NELL2: variants seen among roughly 807,000 people sequenced by gnomAD.
NELL2 encodes the protein neural EGFL like 2.
A neutral mutation model predicts 109.6 loss-of-function variants in NELL2; 41 were observed. The ratio of observed to expected loss-of-function variants is 0.37; its 90% CI spans 0.29 to 0.49. The LOEUF (loss-of-function observed/expected upper bound fraction) is 0.49. Ranked by LOEUF, NELL2 falls within the 20% of genes least tolerant of loss-of-function variation. NELL2 has a pLI of 0.98. For missense variants in NELL2, 900 were observed against 1,008.3 expected, an observed-to-expected ratio of 0.89 and a Z score of 1.45; for synonymous variants, 355 against 344.7, an observed-to-expected ratio of 1.03 and a Z score of -0.33.
chr12:44,686,920 C>T (rs1407363963), intron 12 of NELL2, among the ~76,000 whole-genome samples: 2 of 152,210 alleles, frequency 1.3e-5, no homozygotes, highest in South Asian at 4.1e-4. Flanking sequence ...AGGCAGGCCT[C>T]CTTGAGCTGT....
chr12:44,895,238 G>A (rs1056644062), intron 1 of NELL2, among the ~76,000 whole-genome samples: 1 of 152,138 alleles, frequency 6.6e-6, no homozygotes, highest in African/African-American at 2.4e-5. Flanking sequence ...TTCCCAGTGT[G>A]AGTGAGCATC....
intron 15 of NELL2, among the ~76,000 whole-genome samples, chr12:44,538,212 C>T (rs1407292066): frequency 2.0e-5 from 3 of 152,168 alleles, no homozygotes; most frequent in Non-Finnish European, 2.9e-5. Context: ...AAGATCAACA[C>T]TTGGCCAAAC....
intron 12 of NELL2, among the ~76,000 whole-genome samples, chr12:44,670,572 T>C (rs1948103290): frequency 8.9e-6 from 1 of 112,740 alleles, no homozygotes; most frequent in African/African-American, 3.4e-5. Flanking sequence ...ACCTATTTCA[T>C]CTATAAAGAT....
At chr12:44,778,392 A>G (rs1018140917) in intron 5 of NELL2, among the ~76,000 whole-genome samples, 13 of 152,150 alleles carry the variant, frequency 8.5e-5, no homozygotes, top group African/African-American at 3.1e-4. Context: ...ACCAACTCCT[A>G]TCACTTAGAA....
intron 1 of NELL2, among the ~76,000 whole-genome samples, chr12:44,911,297 TC>T (rs1269770070): frequency 1.3e-5 from 2 of 151,928 alleles, no homozygotes; most frequent in Non-Finnish European, 2.9e-5. Flanking sequence ...AGAAAATTGT[TC>T]CAATCATTCT....
chr12:44,711,185 T>C, intron 11 of NELL2, 107 bp downstream of exon 11: 1 of 761,658 alleles, frequency 1.3e-6, no homozygotes, highest in South Asian at 1.6e-5. Flanking sequence ...GAAATACTAT[T>C]AGTCTATGGA....
At chr12:44,515,762 A>G (rs1265424974) in intron 19 of NELL2, among the ~76,000 whole-genome samples, 1 of 151,958 alleles carries the variant, frequency 6.6e-6, no homozygotes. Context: ...AGTTTCCTTA[A>G]GACCCTGCTA....
chr12:44,877,831 AC>A (rs1258859506), upstream of NELL2, among the ~76,000 whole-genome samples: 12 of 152,190 alleles, frequency 7.9e-5, no homozygotes, highest in African/African-American at 2.9e-4. Context: ...TTCAGTACTT[AC>A]AAGTGATAAA....
intron 1 of NELL2, among the ~76,000 whole-genome samples, chr12:44,906,212 C>T (rs758658605): frequency 1.3e-5 from 2 of 151,810 alleles, no homozygotes; most frequent in East Asian, 1.9e-4. Flanking sequence ...TCCAGGCAAA[C>T]CTGAGAAACA....
chr12:44,524,771 C>T (rs139114807), intron 16 of NELL2, among the ~76,000 whole-genome samples: 2 of 152,066 alleles, frequency 1.3e-5, no homozygotes, highest in East Asian at 1.9e-4. Context: ...CTTTATTAAG[C>T]TTGATTTGTT....
intron 14 of NELL2, among the ~76,000 whole-genome samples, chr12:44,608,381 G>A (rs1250315123): frequency 1.3e-5 from 2 of 151,982 alleles, no homozygotes; most frequent in Non-Finnish European, 2.9e-5. Flanking sequence ...AAGAATGTGC[G>A]TGTCAGACCA....
chr12:44,699,326 TC>T (rs1259410525), intron 12 of NELL2, among the ~76,000 whole-genome samples: 1 of 152,132 alleles, frequency 6.6e-6, no homozygotes, highest in African/African-American at 2.4e-5. Context: ...TTCCAGACAT[TC>T]TAGATCCCTT....
chr12:44,832,684 A>T (rs959013091), intron 2 of NELL2, among the ~76,000 whole-genome samples: 4 of 152,200 alleles, frequency 2.6e-5, no homozygotes, highest in African/African-American at 9.6e-5. Context: ...TAATATTATG[A>T]TTTAAAGGTA....
intron 9 of NELL2, among the ~76,000 whole-genome samples, chr12:44,715,046 C>T (rs1193046292): frequency 6.6e-6 from 1 of 151,720 alleles, no homozygotes; most frequent in Non-Finnish European, 1.5e-5. Flanking sequence ...TAGATGATGT[C>T]CCACTTAGGG....
At chr12:44,567,814 A>C (rs891329918) in intron 15 of NELL2, among the ~76,000 whole-genome samples, 8 of 152,290 alleles carry the variant, frequency 5.3e-5, no homozygotes, top group African/African-American at 1.4e-4. Context: ...TCAGACAATC[A>C]TCTTACAATA....
chr12:44,854,781 T>C (rs1231642396), intron 2 of NELL2, among the ~76,000 whole-genome samples: 3 of 151,662 alleles, frequency 2.0e-5, no homozygotes, highest in Non-Finnish European at 2.9e-5. Context: ...GATGGACAGA[T>C]AGAAGGATAG....
chr12:44,787,996 AC>A (rs1348301462), intron 3 of NELL2, among the ~76,000 whole-genome samples: 1 of 152,216 alleles, frequency 6.6e-6, no homozygotes, highest in Non-Finnish European at 1.5e-5. Flanking sequence ...GCATTTTAAG[AC>A]CCTGTGAAAA....
chr12:44,881,616 T>A (rs922752214), intron 1 of NELL2, among the ~76,000 whole-genome samples: 5 of 151,974 alleles, frequency 3.3e-5, no homozygotes, highest in Admixed American at 6.6e-5. Context: ...AGACTTTTTT[T>A]AAAAAATGAA....
upstream of NELL2, among the ~76,000 whole-genome samples, chr12:44,919,088 G>C (rs1243824014): frequency 6.6e-6 from 1 of 152,178 alleles, no homozygotes; most frequent in African/African-American, 2.4e-5. Flanking sequence ...TTCTTCGAAC[G>C]TGAGAAAATA....
Sources: allele counts gnomAD v4.1 joint callset (sites outside exome capture counted in the v4.1 genomes callset), GRCh38; gene constraint gnomAD v4.1.1; transcripts MANE v1.5; gene names NCBI Gene and HGNC (gene_info 2026-07-23, HGNC 2026-07-21).